Variants in CLCN7 observed in about 807,000 individuals in gnomAD.
CLCN7 encodes H(+)/Cl(-) exchange transporter 7.
A neutral mutation model predicts 102.1 loss-of-function variants in CLCN7; 60 were observed. The observed-to-expected ratio is 0.59, with a 90% CI of 0.48 to 0.73. The LOEUF is 0.73. Ranked by LOEUF, CLCN7 falls within the 30% of genes least tolerant of loss-of-function variation. The pLI, the probability that CLCN7 is intolerant of heterozygous loss-of-function variation, is 0.00. For synonymous variants in CLCN7, 560 were observed against 490.5 expected, an observed-to-expected ratio of 1.14 and a Z score of -1.87; for missense variants, 962 against 1,125.7, an observed-to-expected ratio of 0.85 and a Z score of 2.08.
chr16:1,448,880 G>A (rs2038697411), intron 19 of CLCN7, 86 bp downstream of exon 19: 6 of 1,600,446 alleles, frequency 3.7e-6, no homozygotes, highest in South Asian at 1.1e-5. Context: ...CTACCCCCCG[G>A]GACCGGCTGT....
At chr16:1,450,445 A>C in intron 17 of CLCN7, 52 bp downstream of exon 17, 1 of 1,527,376 alleles carries the variant, frequency 6.5e-7, no homozygotes, top group Non-Finnish European at 8.9e-7. Flanking sequence ...GCGATGCCGC[A>C]AGACCTGGCT....
intron 1 of CLCN7, among the ~76,000 whole-genome samples, chr16:1,470,269 T>C (rs541885090): frequency 3.3e-4 from 50 of 152,356 alleles, no homozygotes; most frequent in Non-Finnish European, 1.2e-4. Flanking sequence ...GTAGCTGGTA[T>C]GAGAGGCGTG....
intron 9 of CLCN7, 44 bp from the exon 10 acceptor site, chr16:1,456,250 C>T (rs1188174956): frequency 6.9e-7 from 1 of 1,445,294 alleles, no homozygotes; most frequent in South Asian, 1.2e-5. Flanking sequence ...TCCTTGAGGG[C>T]ACGGCTCTCA....
intron 2 of CLCN7, among the ~76,000 whole-genome samples, chr16:1,464,889 G>T (rs1294577128): frequency 6.6e-6 from 1 of 152,176 alleles, no homozygotes; most frequent in Non-Finnish European, 1.5e-5. Flanking sequence ...GCAGCCACTG[G>T]CACGGGAACA....
rs370587781 is a variant in CLCN7 at position 1,452,989 on chromosome 16, G to A, written c.1215-96C>T. 42 of 1,485,746 alleles carry A rather than the reference G, an allele frequency of 2.8e-5. No homozygotes were observed. The East Asian group carries it at 3.4e-4, about 12-fold the overall frequency. 92.0% of individuals were successfully genotyped at this position (1,485,746 alleles called of 1,614,324 possible). On this transcript the variant is annotated intron_variant, in intron 14 of 24. Transcript: ENST00000382745. ...TCGAGTCCCTGATGGAGGACACTGG[G>A]CCCGTGGTGCTTTTTGTTTGTTTGT...
chr16:1,460,653 C>T (rs1034053137), intron 5 of CLCN7, 126 bp from the exon 6 acceptor site: 1 of 1,281,822 alleles, frequency 7.8e-7, no homozygotes, highest in South Asian at 1.2e-5. Flanking sequence ...GTTCACTGGA[C>T]ATCCCAGAGA....
Position 1,448,806 on chromosome 16 carries a change from A to G in CLCN7, c.1798-40T>C, listed in dbSNP as rs2038695942. 3 of 1,603,088 alleles carry G rather than the reference A, an allele frequency of 1.9e-6. No homozygotes were observed. The East Asian group carries it at 6.7e-5, about 36-fold the overall frequency. On this transcript the variant is annotated intron_variant, in intron 19 of 24. Coordinates refer to ENST00000382745, the MANE Select transcript of CLCN7 (RefSeq NM_001287.6). ...GGAACACAGGGCTTGAGGAGTCCAC[A>G]CCCACCCCTGGAGCCCCGAGCCTAC... is the stretch of plus-strand genomic sequence containing the variant.
At chr16:1,451,813 G>T in intron 15 of CLCN7, 97 bp from the exon 16 acceptor site, 1 of 985,432 alleles carries the variant, frequency 1.0e-6, no homozygotes, top group Non-Finnish European at 1.6e-6. Flanking sequence ...TGTACCCTGT[G>T]CCTGGCCAGC....
rs546427553 is a variant in CLCN7 at position 1,457,643 on chromosome 16, G to A, written c.738+51C>T. On this transcript the variant is annotated intron_variant, in intron 8 of 24. Transcript: ENST00000382745. The surrounding 1 kb of genome is among the most constrained non-coding windows in gnomAD (Gnocchi z 5.4). ...CACACATGGGCGTGGCGGCCCTCGC[G>A]GGCCCGGCGGCCTCAGGCTCCAGCT... 3.0e-5 allele frequency: 48 copies of A among 1,594,712 alleles called. No individual in the cohort carries two copies. In the South Asian group the frequency reaches 3.6e-4, roughly 12 times the overall value.
Position 1,460,453 on chromosome 16 carries a change from C to G in CLCN7, c.559G>C (p.Val187Leu). The change falls in exon 6 of 25, where the codon GTG (valine) becomes CTG (leucine). Residue 187 changes from valine (V) to leucine (L), a missense_variant. By Grantham distance (32) the Val-to-Leu change is conservative. Coordinates refer to ENST00000382745, the MANE Select transcript of CLCN7 (RefSeq NM_001287.6). ...GCCACAATCACAGAGCCCACGAGCA[C>G]GAAGGCGGCGTTCAGCGTGGCCCAC... The part of the protein sequence containing the change: ...LLWATLNAAF[V>L]LVGSVIVAFI... 6.2e-7 allele frequency: 1 copy of G among 1,613,820 alleles called. No homozygotes were observed. Among genetic ancestry groups the G allele is most frequent in the African/African-American group, 1.3e-5 (1 of 75,042 alleles).
intron 17 of CLCN7, chr16:1,449,611 C>A: frequency 1.9e-6 from 1 of 524,828 alleles, no homozygotes; most frequent in Non-Finnish European, 3.4e-6. Context: ...AACTAGGGAG[C>A]ACCGTCCAGC....
intron 1 of CLCN7, among the ~76,000 whole-genome samples, chr16:1,466,206 C>T (rs954380446): frequency 1.8e-4 from 28 of 152,256 alleles, no homozygotes; most frequent in Non-Finnish European, 1.5e-5. Context: ...CGGAGGAGTC[C>T]AGCGGCTGGT....
chr16:1,471,554 G>C (rs929691760), intron 1 of CLCN7: 1 of 152,278 alleles, frequency 6.6e-6, no homozygotes, highest in African/African-American at 2.4e-5. Flanking sequence ...CAGGAAGTTG[G>C]ACAGGAAAGT....
In CLCN7 at chr16:1,456,096, G is replaced by A. The variant is rs1368517215; in HGVS notation, c.916+17C>T. On this transcript the variant is annotated intron_variant, in intron 10 of 24. Coordinates refer to ENST00000382745, the MANE Select transcript of CLCN7 (RefSeq NM_001287.6). ...AGGGCGAGGGCAAAGCATTGGACCCGGTGCGGCCCTCCTCACCCACGGGGG... is the reference window on the plus strand; with the variant it reads ...AGGGCGAGGGCAAAGCATTGGACCCAGTGCGGCCCTCCTCACCCACGGGGG... 7 of 1,537,928 alleles carry A rather than the reference G, an allele frequency of 4.6e-6. No homozygotes were observed. The highest frequency in any genetic ancestry group is 1.2e-5 in the South Asian group (1 of 84,272).
intron 20 of CLCN7, 48 bp from the exon 21 acceptor site, chr16:1,448,532 C>T: frequency 6.2e-7 from 1 of 1,603,948 alleles, no homozygotes; most frequent in South Asian, 1.1e-5. Context: ...CCACCAACTC[C>T]CACAGTTACC....
chr16:1,451,091 G>A (rs935524233), intron 16 of CLCN7, among the ~76,000 whole-genome samples: 1 of 152,242 alleles, frequency 6.6e-6, no homozygotes, highest in Admixed American at 6.5e-5. Context: ...GAGACCGCCA[G>A]GGACACAACT....
At chr16:1,451,573 C>T in intron 16 of CLCN7, 50 bp downstream of exon 16, 1 of 1,527,294 alleles carries the variant, frequency 6.5e-7, no homozygotes, top group South Asian at 1.1e-5. Flanking sequence ...CAGAAGGCAT[C>T]ACCCAGGCCC....
chr16:1,456,135 T>A lies in CLCN7; in HGVS notation c.894A>T (p.Ser298=), dbSNP rs1413547645. ...CACCCACGGGGGCTCCAAACGCCGC[T>A]GACACTCCGGCCGCAGCCCCTGCGG... ...FVSAGAAAGV[S]AAFGAPVGGV... is the part of the protein sequence containing the mutation. The change falls in exon 10 of 25, where the codon TCA becomes TCT. Residue 298 remains serine (S), a synonymous_variant. Coordinates refer to ENST00000382745, the MANE Select transcript of CLCN7 (RefSeq NM_001287.6). The A allele has an allele frequency of 6.4e-7, 1 of 1,561,566 alleles. No individual in the cohort carries two copies. Among genetic ancestry groups the A allele is most frequent in the Non-Finnish European group, 8.7e-7 (1 of 1,152,674 alleles).
chr16:1,448,947 C>T lies in CLCN7; in HGVS notation c.1797+19G>A. ...CAGCACCCACGCTCTCAGGGTGAGG[C>T]TTCGAGGCCCTGGCGCACCTCAATG... On this transcript the variant is annotated intron_variant, in intron 19 of 24. Transcript: ENST00000382745. 1 of 1,611,840 alleles carries T rather than the reference C, an allele frequency of 6.2e-7. No individual in the cohort carries two copies. Among genetic ancestry groups the T allele is most frequent in the Admixed American group, 1.7e-5 (1 of 60,028 alleles).
Sources: allele counts gnomAD v4.1 joint callset (sites outside exome capture counted in the v4.1 genomes callset), GRCh38; gene constraint gnomAD v4.1.1; non-coding constraint Gnocchi (gnomAD v3.1); transcripts MANE v1.5; gene names NCBI Gene and HGNC (gene_info 2026-07-23, HGNC 2026-07-21).